GNG4: variants seen among roughly 807,000 people sequenced by gnomAD.
GNG4 encodes G protein subunit gamma 4.
A neutral mutation model predicts 5.8 loss-of-function variants in GNG4; 4 were observed. The ratio of observed to expected loss-of-function variants is 0.69; its 90% CI spans 0.34 to 1.57. The LOEUF (loss-of-function observed/expected upper bound fraction) is 1.57. Ranked by LOEUF, GNG4 falls within the 40% of genes most tolerant of loss-of-function variation. The probability of loss-of-function intolerance (pLI) is 0.06; values close to 1 mark genes in which losing one functional copy is unlikely to be tolerated. For synonymous variants in GNG4, 29 were observed against 32.9 expected, an observed-to-expected ratio of 0.88 and a Z score of 0.41; for missense variants, 96 against 95.1, an observed-to-expected ratio of 1.01 and a Z score of -0.04.
chr1:235,572,508 C>T (rs12034773), intron 3 of GNG4, among the ~76,000 whole-genome samples: 260 of 127,340 alleles, frequency 2.0e-3, no homozygotes, highest in East Asian at 0.017. Flanking sequence ...TTTTTTTTTT[C>T]TTTTTTTTTT....
At chr1:235,643,126 G>A (rs1486941380) in intron 1 of GNG4, among the ~76,000 whole-genome samples, 1 of 152,176 alleles carries the variant, frequency 6.6e-6, no homozygotes, top group Non-Finnish European at 1.5e-5. Flanking sequence ...GTCACAGCCA[G>A]ACGGCCAAGG....
intron 2 of GNG4, among the ~76,000 whole-genome samples, chr1:235,584,661 T>TGGG (rs5781835): frequency 6.6e-6 from 1 of 151,738 alleles, no homozygotes; most frequent in Non-Finnish European, 1.5e-5. Context: ...TGCTACCTGT[T>TGGG]TCACAGAAAG....
chr1:235,599,704 G>A (rs56095257), intron 1 of GNG4, among the ~76,000 whole-genome samples: 6,212 of 152,262 alleles, frequency 0.041, 324 homozygotes, highest in African/African-American at 0.12. Context: ...CCTGCCTTAT[G>A]CAGGGTCCAA....
At chr1:235,610,223 C>T (rs1315271400) in intron 1 of GNG4, among the ~76,000 whole-genome samples, 2 of 152,182 alleles carry the variant, frequency 1.3e-5, no homozygotes, top group Admixed American at 1.3e-4. Flanking sequence ...TCAATTCGGG[C>T]TTCTTTTCTG....
intron 2 of GNG4, among the ~76,000 whole-genome samples, chr1:235,590,001 C>G (rs890084025): frequency 3.3e-5 from 5 of 152,190 alleles, no homozygotes; most frequent in Non-Finnish European, 7.3e-5. Context: ...CCCAAGGGAT[C>G]TGCCCTACAC....
intron 2 of GNG4, among the ~76,000 whole-genome samples, chr1:235,588,159 G>A (rs1396405628): frequency 6.6e-6 from 1 of 152,080 alleles, no homozygotes; most frequent in East Asian, 1.9e-4. Flanking sequence ...CCTCTCCGCA[G>A]AGGAGAGTTC....
rs1489038348 is a variant in GNG4, at chr1:235,550,638, C to T, written c.*1471G>A. 1 of 152,102 alleles carries T rather than the reference C, an allele frequency of 6.6e-6. No individual in the cohort carries two copies. Among genetic ancestry groups the T allele is most frequent in the Admixed American group, 6.6e-5 (1 of 15,264 alleles). The allele number at this position is 152,102 out of a possible 1,614,324, so 9.4% of individuals were successfully genotyped here. The stretch of plus-strand genomic sequence containing the variant: ...CCGACATGGTGAAACCCCGTCTCTA[C>T]TAAAAATACAAAAATGAGCCAGGCA... On this transcript the variant is annotated 3_prime_UTR_variant, in exon 4 of 4. Coordinates refer to ENST00000391854, the MANE Select transcript of GNG4 (RefSeq NM_001098722.2).
In GNG4 at chr1:235,576,000, C is replaced by G. The variant is rs139750704; in HGVS notation, c.99+7740G>C. 3.2e-3 allele frequency among the ~76,000 whole-genome samples: 484 copies of G among 152,042 alleles called. 4 individuals are homozygous for G. The highest frequency in any genetic ancestry group is 0.011 in the African/African-American group (456 of 41,480). The stretch of plus-strand genomic sequence containing the variant: ...GAGGCCTCTTACACTCTGCTCAGCT[C>G]AGACCTGCCATAACCGCTTGTCGGA... On this transcript the variant is annotated intron_variant, in intron 3 of 3. Transcript: ENST00000391854.
chr1:235,623,941 A>G (rs961553299), intron 1 of GNG4, among the ~76,000 whole-genome samples: 12 of 152,182 alleles, frequency 7.9e-5, no homozygotes, highest in African/African-American at 2.7e-4. Flanking sequence ...AAAAATCACA[A>G]TAACACAAAA....
rs564578025 is a variant in GNG4, at chr1:235,587,792, G to A, written c.-10-3944C>T. Reference sequence around the variant, plus strand: ...GTGTGGGGTGGGGGTGTGTGTGTGTGTGAAGGTGAGAGTGTGAATACAGGC... The same window carrying A: ...GTGTGGGGTGGGGGTGTGTGTGTGTATGAAGGTGAGAGTGTGAATACAGGC... On this transcript the variant is annotated intron_variant, in intron 2 of 3. Coordinates refer to ENST00000391854, the MANE Select transcript of GNG4 (RefSeq NM_001098722.2). Among the ~76,000 whole-genome samples the A allele has an allele frequency of 1.3e-3, 181 of 142,896 alleles. 1 individual carries two copies. The highest frequency in any genetic ancestry group is 7.5e-3 in the South Asian group (32 of 4,276). 93.7% of individuals were successfully genotyped at this position (142,896 alleles called of 152,430 possible).
At chr1:235,572,071 A>T (rs947367085) in intron 3 of GNG4, among the ~76,000 whole-genome samples, 2 of 152,088 alleles carry the variant, frequency 1.3e-5, no homozygotes, top group African/African-American at 4.8e-5. Flanking sequence ...CCTGAGCTCA[A>T]GTGATCCTCC....
At chr1:235,601,874 G>C (rs1340871205) in intron 1 of GNG4, among the ~76,000 whole-genome samples, 1 of 152,178 alleles carries the variant, frequency 6.6e-6, no homozygotes, top group African/African-American at 2.4e-5. Flanking sequence ...GAGGACAGTG[G>C]CCTGAGTGGT....
At chr1:235,641,669 T>C (rs1049809544) in intron 1 of GNG4, among the ~76,000 whole-genome samples, 1 of 151,996 alleles carries the variant, frequency 6.6e-6, no homozygotes, top group Non-Finnish European at 1.5e-5. Flanking sequence ...CCAACTTGGG[T>C]GACAGAGCAA....
chr1:235,587,173 G>A (rs1400968511), intron 2 of GNG4, among the ~76,000 whole-genome samples: 1 of 147,990 alleles, frequency 6.8e-6, no homozygotes, highest in Non-Finnish European at 1.5e-5. Flanking sequence ...GCGTGTGAGA[G>A]TGTGTGGGGG....
rs574696253 is a variant in GNG4 at position 235,609,389 on chromosome 1, A to G, written c.-122-13878T>C. Among the ~76,000 whole-genome samples the G allele has an allele frequency of 1.6e-4, 24 of 152,232 alleles. No homozygotes were observed. In the South Asian group the frequency reaches 4.8e-3, roughly 30 times the overall value. The stretch of plus-strand genomic sequence containing the variant: ...TCAGCAATAGCTCCAATTTCTTCAC[A>G]TCCTTGCCAACATATGTTATTTTCC... On this transcript the variant is annotated intron_variant, in intron 1 of 3. Coordinates refer to ENST00000391854, the MANE Select transcript of GNG4 (RefSeq NM_001098722.2).
chr1:235,549,598 T>A lies in GNG4; in HGVS notation c.*2511A>T, dbSNP rs1040298626. On this transcript the variant is annotated 3_prime_UTR_variant, in exon 4 of 4. Coordinates refer to ENST00000391854, the MANE Select transcript of GNG4 (RefSeq NM_001098722.2). ...GTCATAACTGCACTATCAAAGGATC[T>A]GAGGTCCTAGCGTCACATCCAGCAT... 2 of 151,672 alleles carry A rather than the reference T, an allele frequency of 1.3e-5. No homozygotes were observed. The highest frequency in any genetic ancestry group is 4.8e-5 in the African/African-American group (2 of 41,324). 9.4% of individuals were successfully genotyped at this position (151,672 alleles called of 1,614,324 possible).
chr1:235,628,734 G>C (rs1056938201), intron 1 of GNG4, among the ~76,000 whole-genome samples: 4 of 152,202 alleles, frequency 2.6e-5, no homozygotes, highest in Non-Finnish European at 5.9e-5. Context: ...TGGGGATTGA[G>C]ACTCGCATCA....
chr1:235,615,842 TG>T, intron 1 of GNG4: 1 of 277,200 alleles, frequency 3.6e-6, no homozygotes. Flanking sequence ...CAGTCCATGA[TG>T]GATGGGAAGG....
intron 3 of GNG4, among the ~76,000 whole-genome samples, chr1:235,553,160 C>A (rs1268084319): frequency 6.6e-6 from 1 of 152,186 alleles, no homozygotes; most frequent in African/African-American, 2.4e-5. Flanking sequence ...TTATCTGAAG[C>A]CTGCTGGCGC....
Sources: gnomAD v4.1 joint callset for allele counts (sites outside exome capture counted in the v4.1 genomes callset) on GRCh38, gnomAD v4.1.1 for gene constraint, MANE v1.5 for transcripts, NCBI Gene and HGNC (gene_info 2026-07-23, HGNC 2026-07-21) for gene names.